LMF1: variants seen among roughly 807,000 people sequenced by gnomAD.
LMF1 encodes lipase maturation factor 1.
A neutral mutation model predicts 60.6 loss-of-function variants in LMF1; 68 were observed. The ratio of observed to expected loss-of-function variants is 1.12; its 90% CI spans 0.92 to 1.37. The LOEUF (loss-of-function observed/expected upper bound fraction) is 1.37. LMF1 is among the 40% of genes most tolerant of loss of function. The pLI, the probability that LMF1 is intolerant of heterozygous loss-of-function variation, is 0.00. For missense variants in LMF1, 948 were observed against 767.2 expected (o/e 1.24, Z -2.78); for synonymous variants, 418 against 324.7 (o/e 1.29, Z -3.09).
chr16:868,723 G>T (rs1362085499), intron 10 of LMF1, among the ~76,000 whole-genome samples: 2 of 151,196 alleles, frequency 1.3e-5, no homozygotes, highest in African/African-American at 4.9e-5. Flanking sequence ...TTGGTTTGAG[G>T]TGGGCTATGA....
At chr16:922,548 T>C (rs1239498107) in intron 3 of LMF1, among the ~76,000 whole-genome samples, 1 of 150,892 alleles carries the variant, frequency 6.6e-6, no homozygotes, top group Non-Finnish European at 1.5e-5. Context: ...TGTGATGTGG[T>C]GTTGGTGTCG....
At chr16:927,694 C>T (rs977303648) in intron 3 of LMF1, among the ~76,000 whole-genome samples, 5 of 152,214 alleles carry the variant, frequency 3.3e-5, no homozygotes, top group African/African-American at 4.8e-5. Flanking sequence ...ACCCGGCGAT[C>T]GCTTCCCGCA....
rs376340194 is a variant in LMF1, at chr16:868,992, G to C, written c.1481C>G (p.Ala494Gly). The change falls in exon 10 of 11, where the codon GCC becomes GGC. Residue 494 changes from alanine to glycine, a missense_variant. By Grantham distance (60) the Ala-to-Gly change is moderately conservative (BLOSUM62 0). Transcript: ENST00000262301. Reference sequence around the variant, plus strand: ...GGGGTTGTGTGCCAGCAGGGACAAGGCCTCGGCGTCGCTGGCCAGGAGCTT... The same window carrying C: ...GGGGTTGTGTGCCAGCAGGGACAAGCCCTCGGCGTCGCTGGCCAGGAGCTT... ...AGKLLASDAE[A>G]LSLLAHNPFA... 2.8e-5 allele frequency: 45 copies of C among 1,612,394 alleles called. No homozygotes were observed. In the African/African-American group the frequency reaches 5.1e-4, roughly 18 times the overall value.
intron 4 of LMF1, among the ~76,000 whole-genome samples, chr16:908,001 C>T (rs1337261482): frequency 7.2e-5 from 11 of 152,312 alleles, no homozygotes; most frequent in East Asian, 1.9e-4. Flanking sequence ...AACCGCCTGG[C>T]GGCTCCTCTG....
intron 1 of LMF1, chr16:979,778 G>A (rs1177500769): frequency 4.4e-6 from 2 of 454,122 alleles, no homozygotes; most frequent in Non-Finnish European, 8.8e-6. Context: ...CAGGGGCAGG[G>A]GGTGGAAGGT....
intron 4 of LMF1, among the ~76,000 whole-genome samples, chr16:896,449 G>A (rs958260455): frequency 8.5e-5 from 13 of 152,246 alleles, no homozygotes; most frequent in Non-Finnish European, 1.9e-4. Context: ...GACCTGAAGG[G>A]TGAACTGTTT....
At chr16:951,093 CAG>C (rs1262589971) in intron 2 of LMF1, among the ~76,000 whole-genome samples, 10,014 of 69,790 alleles carry the variant, frequency 0.14, 3,404 homozygotes, top group South Asian at 0.26. Context: ...ACGACAGAGT[CAG>C]AGCCAATGAC....
intron 4 of LMF1, 84 bp from the exon 5 acceptor site, chr16:893,156 G>A (rs1048588659): frequency 3.7e-5 from 45 of 1,223,452 alleles, no homozygotes; most frequent in Admixed American, 2.6e-4. Flanking sequence ...CCAGGAAGAC[G>A]AACCATCCAC....
intron 2 of LMF1, among the ~76,000 whole-genome samples, chr16:935,588 A>C (rs2071919542): frequency 6.6e-6 from 1 of 151,084 alleles, no homozygotes; most frequent in Non-Finnish European, 1.5e-5. Flanking sequence ...AAAAAAACTC[A>C]TAATGTTTTA....
Position 948,644 on chromosome 16 carries a change from C to T in LMF1, c.503+5713G>A, listed in dbSNP as rs531481558. Among the ~76,000 whole-genome samples the T allele has an allele frequency of 2.5e-3, 312 of 124,438 alleles. 10 individuals are homozygous for T. Among genetic ancestry groups the T allele is most frequent in the Middle Eastern group, 4.4e-3 (1 of 228 alleles). 81.6% of individuals were successfully genotyped at this position (124,438 alleles called of 152,430 possible). A position where few individuals can be genotyped will look rare whatever the true frequency, so the allele number is the denominator to read the frequency against. ...CAGCCAACGACAGAATCAGAGACAA[C>T]GACAGAGTCAGCCAACGACAGAATC... On this transcript the variant is annotated intron_variant, in intron 2 of 10. Transcript: ENST00000262301.
intron 5 of LMF1, among the ~76,000 whole-genome samples, chr16:892,743 G>C (rs1197424795): frequency 2.0e-5 from 3 of 152,212 alleles, no homozygotes; most frequent in Non-Finnish European, 4.4e-5. Context: ...ACCAAGGACA[G>C]CAGCGGAGGG....
chr16:978,770 T>C (rs1177205554), intron 1 of LMF1, among the ~76,000 whole-genome samples: 1 of 151,898 alleles, frequency 6.6e-6, no homozygotes, highest in Non-Finnish European at 1.5e-5. Flanking sequence ...AGGGTGTGTG[T>C]GCAGCTCCCC....
chr16:876,351 G>C (rs947229957), intron 6 of LMF1, among the ~76,000 whole-genome samples: 1 of 152,220 alleles, frequency 6.6e-6, no homozygotes, highest in Non-Finnish European at 1.5e-5. Flanking sequence ...AGAACTTCCA[G>C]GGCCACAAGC....
At chr16:885,812 T>C (rs956558842) in intron 5 of LMF1, among the ~76,000 whole-genome samples, 4 of 152,206 alleles carry the variant, frequency 2.6e-5, no homozygotes, top group African/African-American at 9.7e-5. Context: ...CAATAATTGA[T>C]AAAACAGGCA....
chr16:876,049 C>T (rs964232233), intron 6 of LMF1, among the ~76,000 whole-genome samples: 1 of 152,246 alleles, frequency 6.6e-6, no homozygotes, highest in East Asian at 1.9e-4. Flanking sequence ...CGGCCCTGGC[C>T]CCACGCCTGT....
At chr16:900,726 TG>T (rs11333793) in intron 4 of LMF1, 18,669 of 138,670 alleles carry the variant, frequency 0.13, 1,285 homozygotes, top group Admixed American at 0.16. Context: ...TGTGTGTGTG[TG>T]TGTGTTTTAG....
At chr16:879,876 G>T in intron 5 of LMF1, 139 bp from the exon 6 acceptor site, 1 of 787,428 alleles carries the variant, frequency 1.3e-6, no homozygotes, top group Non-Finnish European at 2.0e-6. Context: ...CCCTGCACAC[G>T]TGGAGCCCAC....
intron 10 of LMF1, among the ~76,000 whole-genome samples, chr16:861,906 C>A (rs79344824): frequency 6.6e-6 from 1 of 152,190 alleles, no homozygotes; most frequent in African/African-American, 2.4e-5. Context: ...AGAATGCTGG[C>A]TGCAGGGCTT....
intron 7 of LMF1, 138 bp from the exon 8 acceptor site, chr16:871,020 T>G (rs2069772200): frequency 1.4e-6 from 2 of 1,400,002 alleles, no homozygotes; most frequent in African/African-American, 1.4e-5. Context: ...CTCACACACC[T>G]TGTTCCTGGC....
Sources: allele counts gnomAD v4.1 joint callset (sites outside exome capture counted in the v4.1 genomes callset), GRCh38; gene constraint gnomAD v4.1.1; transcripts MANE v1.5; gene names NCBI Gene and HGNC (gene_info 2026-07-23, HGNC 2026-07-21).